EFTUD2: variants seen among roughly 807,000 people sequenced by gnomAD.
EFTUD2 encodes the protein elongation factor Tu GTP binding domain containing 2.
EFTUD2 carries 9 observed loss-of-function variants against 114.3 expected under a neutral mutation model. The ratio of observed to expected loss-of-function variants is 0.08; its 90% CI spans 0.05 to 0.14. The LOEUF (loss-of-function observed/expected upper bound fraction) is 0.14. Among genes scored for constraint, EFTUD2 ranks in the 10% least tolerant of loss-of-function variants. The probability of loss-of-function intolerance (pLI) is 1.00; values close to 1 mark genes in which losing one functional copy is unlikely to be tolerated. For missense variants in EFTUD2, 765 were observed against 1,241.2 expected, an observed-to-expected ratio of 0.62 and a Z score of 5.76; for synonymous variants, 449 against 462.3, an observed-to-expected ratio of 0.97 and a Z score of 0.37.
intron 10 of EFTUD2, among the ~76,000 whole-genome samples, chr17:44,874,442 T>C (rs565988376): frequency 6.6e-6 from 1 of 152,292 alleles, no homozygotes; most frequent in South Asian, 2.1e-4. Flanking sequence ...GGTGAAGATA[T>C]TCCTTTTGAA....
chr17:44,854,386 G>A lies in EFTUD2; in HGVS notation c.2260-30C>T, dbSNP rs150150975. On this transcript the variant is annotated intron_variant, in intron 22 of 27. Coordinates refer to ENST00000426333, the MANE Select transcript of EFTUD2 (RefSeq NM_004247.4). This position sits in a 1 kb window ranked among gnomAD's most constrained non-coding sequence, Gnocchi z 4.3. ...AGAGAAACATGAGGCCTCCTTAGCA[G>A]TCGCCCTGGCAACGGCTGAAGCATT... 465 of 1,607,268 alleles carry A rather than the reference G, an allele frequency of 2.9e-4. No individual in the cohort carries two copies. The African/African-American group carries it at 5.8e-3, about 20-fold the overall frequency.
At chr17:44,897,060 C>A (rs1366311097) in intron 1 of EFTUD2, among the ~76,000 whole-genome samples, 1 of 151,816 alleles carries the variant, frequency 6.6e-6, no homozygotes, top group Non-Finnish European at 1.5e-5. Context: ...ACTAAAAATA[C>A]AAAAAATTAG....
Position 44,859,193 on chromosome 17 carries a change from C to T in EFTUD2, c.1861-12G>A, listed in dbSNP as rs371715842. Reference sequence around the variant, plus strand: ...CCAGACTCCTCCACCTGAAACACAACAGGCAGTCACAGCCTGGATTCTCTT... The same window carrying T: ...CCAGACTCCTCCACCTGAAACACAATAGGCAGTCACAGCCTGGATTCTCTT... On this transcript the variant is annotated splice_polypyrimidine_tract_variant and intron_variant, in intron 18 of 27. Coordinates refer to ENST00000426333, the MANE Select transcript of EFTUD2 (RefSeq NM_004247.4). 4.3e-5 allele frequency: 68 copies of T among 1,584,202 alleles called. No individual in the cohort carries two copies. The highest frequency in any genetic ancestry group is 5.5e-5 in the South Asian group (5 of 90,462).
intron 16 of EFTUD2, 51 bp from the exon 17 acceptor site, chr17:44,860,594 AATT>A: frequency 3.0e-6 from 3 of 1,006,990 alleles, no homozygotes; most frequent in Non-Finnish European, 4.4e-6. Context: ...AGCATTCCCT[AATT>A]TTTTTTTTTT....
intron 11 of EFTUD2, among the ~76,000 whole-genome samples, chr17:44,871,627 C>T (rs1461676650): frequency 6.6e-6 from 1 of 152,218 alleles, no homozygotes; most frequent in Non-Finnish European, 1.5e-5. Flanking sequence ...GCGTGAGCCA[C>T]CGCGCCTGGC....
At chr17:44,875,715 G>A (rs2050935566) in intron 10 of EFTUD2, 1 of 421,704 alleles carries the variant, frequency 2.4e-6, no homozygotes, top group African/African-American at 2.0e-5. Flanking sequence ...TCTAAAAAGA[G>A]AAGAAATTAA....
At chr17:44,867,924 AC>A in intron 12 of EFTUD2, 27 bp from the exon 13 acceptor site, 1 of 1,553,966 alleles carries the variant, frequency 6.4e-7, no homozygotes, top group Non-Finnish European at 8.7e-7. Flanking sequence ...GTTCTGAGTG[AC>A]CCAGGGGAAA....
intron 13 of EFTUD2, chr17:44,865,363 T>A: frequency 3.4e-6 from 1 of 295,120 alleles, no homozygotes; most frequent in Admixed American, 4.8e-5. Flanking sequence ...CTCCTCCCAC[T>A]CAGAAACTCC....
intron 13 of EFTUD2, 71 bp downstream of exon 13, chr17:44,867,734 AGT>A (rs2050775216): frequency 7.7e-7 from 1 of 1,304,764 alleles, no homozygotes; most frequent in East Asian, 2.7e-5. Context: ...GACAGAGGGA[AGT>A]GTGAGTTCAC....
chr17:44,894,885 T>G (rs904546607), intron 1 of EFTUD2, among the ~76,000 whole-genome samples: 1 of 152,246 alleles, frequency 6.6e-6, no homozygotes, highest in African/African-American at 2.4e-5. Flanking sequence ...CCTCCACTTT[T>G]TTAATACTAA....
chr17:44,887,966 A>G (rs2051204386), intron 2 of EFTUD2, among the ~76,000 whole-genome samples: 1 of 152,248 alleles, frequency 6.6e-6, no homozygotes, highest in Admixed American at 6.5e-5. Context: ...TGAGCACTTA[A>G]TATGTGCTAA....
At chr17:44,872,628 C>T (rs746816446) in intron 10 of EFTUD2, 58 bp from the exon 11 acceptor site, 31 of 1,519,798 alleles carry the variant, frequency 2.0e-5, no homozygotes, top group Non-Finnish European at 2.6e-5. Context: ...GACGCACTGC[C>T]AAGGGGAAGG....
chr17:44,867,982 GAAC>G, intron 12 of EFTUD2, 85 bp from the exon 13 acceptor site: 1 of 1,285,222 alleles, frequency 7.8e-7, no homozygotes, highest in Non-Finnish European at 1.1e-6. Context: ...TGCTGAATCT[GAAC>G]AACAGCCCAG....
intron 2 of EFTUD2, among the ~76,000 whole-genome samples, chr17:44,889,501 G>A (rs1195872792): frequency 6.6e-6 from 1 of 152,204 alleles, no homozygotes; most frequent in Non-Finnish European, 1.5e-5. Flanking sequence ...GAGAGAGAGG[G>A]CAGAATTGCC....
rs1322963996 is a variant in EFTUD2 at position 44,850,739 on chromosome 17, C to T, written c.*535G>A. On this transcript the variant is annotated 3_prime_UTR_variant, in exon 28 of 28. Transcript: ENST00000426333. ...CAAGGGGGCAATAATGGGGCCTTGG[C>T]GCTCATGGGAACACTGAATTAAAAG... is the stretch of plus-strand genomic sequence containing the variant. 7 of 243,484 alleles carry T rather than the reference C, an allele frequency of 2.9e-5. No homozygotes were observed. Among genetic ancestry groups the T allele is most frequent in the East Asian group, 7.9e-5 (1 of 12,606 alleles). The allele number at this position is 243,484 out of a possible 1,614,324, so 15.1% of individuals were successfully genotyped here. A position where few individuals can be genotyped will look rare whatever the true frequency, so the allele number is the denominator to read the frequency against.
intron 17 of EFTUD2, 111 bp downstream of exon 17, chr17:44,860,321 G>T: frequency 1.2e-6 from 1 of 850,926 alleles, no homozygotes; most frequent in Non-Finnish European, 2.0e-6. Flanking sequence ...AGAAGGCTAA[G>T]CCTGAAACCA....
intron 10 of EFTUD2, among the ~76,000 whole-genome samples, chr17:44,875,386 C>T (rs188957320): frequency 1.7e-4 from 26 of 152,024 alleles, no homozygotes; most frequent in Admixed American, 1.2e-3. Context: ...AAAAATTAGC[C>T]GGGCGTGGTG....
In EFTUD2 at chr17:44,854,528, C is replaced by T. The variant is rs1221773620; in HGVS notation, c.2259+28G>A. ...TTCCACTCCAGAGGTAAGAGACCGC[C>T]ACCCAGTTCCCATCAGTTCTGCTGT... On this transcript the variant is annotated intron_variant, in intron 22 of 27. Transcript: ENST00000426333. This position sits in a 1 kb window ranked among gnomAD's most constrained non-coding sequence, Gnocchi z 4.3. 2 of 1,602,220 alleles carry T rather than the reference C, an allele frequency of 1.2e-6. No homozygotes were observed. The highest frequency in any genetic ancestry group is 1.1e-5 in the South Asian group (1 of 89,848).
At chr17:44,882,679 A>G (rs753008738) in intron 6 of EFTUD2, among the ~76,000 whole-genome samples, 24 of 152,202 alleles carry the variant, frequency 1.6e-4, no homozygotes, top group Non-Finnish European at 3.1e-4. Context: ...AAAACAATCA[A>G]TCTGGCAGGG....
Sources: allele counts gnomAD v4.1 joint callset (sites outside exome capture counted in the v4.1 genomes callset), GRCh38; gene constraint gnomAD v4.1.1; non-coding constraint Gnocchi (gnomAD v3.1); transcripts MANE v1.5; gene names NCBI Gene and HGNC (gene_info 2026-07-23, HGNC 2026-07-21).